The following MYOM3 variants were observed in gnomAD, a reference collection of about 807,000 sequenced individuals.
MYOM3 encodes the protein myomesin-3.
A neutral mutation model predicts 191.7 loss-of-function variants in MYOM3; 155 were observed. That is an observed-to-expected ratio of 0.81 (90% confidence interval 0.71 to 0.92). The LOEUF (loss-of-function observed/expected upper bound fraction) is 0.92. MYOM3 is among the 40% of genes least tolerant of loss of function. The pLI, the probability that MYOM3 is intolerant of heterozygous loss-of-function variation, is 0.00. For missense variants in MYOM3, 1,889 were observed against 1,890.6 expected, an observed-to-expected ratio of 1.00 and a Z score of 0.02; for synonymous variants, 757 against 762.9, an observed-to-expected ratio of 0.99 and a Z score of 0.13.
At chr1:24,110,042 C>T (rs1309884120) in intron 1 of MYOM3, among the ~76,000 whole-genome samples, 4 of 152,300 alleles carry the variant, frequency 2.6e-5, no homozygotes, top group African/African-American at 7.2e-5. Context: ...GTGGGAGGCC[C>T]GTGTGCCCGC....
intron 13 of MYOM3, 81 bp downstream of exon 13, chr1:24,089,984 G>A: frequency 7.0e-7 from 1 of 1,418,608 alleles, no homozygotes; most frequent in South Asian, 1.2e-5. Flanking sequence ...CACTGGGACA[G>A]CTTCTGCCTC....
At chr1:24,064,607 G>T (rs1002755995) in intron 29 of MYOM3, among the ~76,000 whole-genome samples, 2 of 152,200 alleles carry the variant, frequency 1.3e-5, no homozygotes, top group African/African-American at 2.4e-5. Flanking sequence ...CAGGACAAGG[G>T]GGCCCTTTTG....
Position 24,062,118 on chromosome 1 carries a change from G to A in MYOM3, c.3771-9C>T, listed in dbSNP as rs1373658440. On this transcript the variant is annotated splice_polypyrimidine_tract_variant and intron_variant, in intron 32 of 36. Transcript: ENST00000374434. ...TCTCCAGACGTTTGTCTCTGAATGT[G>A]AGGGTGGAGAAATGGTTAAGGCTGC... 6.8e-6 allele frequency: 11 copies of A among 1,613,638 alleles called. No homozygotes were observed. Among genetic ancestry groups the A allele is most frequent in the Non-Finnish European group, 7.6e-6 (9 of 1,179,850 alleles).
chr1:24,056,717 T>C lies in MYOM3; in HGVS notation c.*647A>G. On this transcript the variant is annotated 3_prime_UTR_variant, in exon 37 of 37. Coordinates refer to ENST00000374434, the MANE Select transcript of MYOM3 (RefSeq NM_152372.4). Reference sequence around the variant, plus strand: ...CTACCTCCCCCTGTTGGGACGACCCTCTGTCTCCCTCCTTGGACCACTGGC... The same window carrying C: ...CTACCTCCCCCTGTTGGGACGACCCCCTGTCTCCCTCCTTGGACCACTGGC... The C allele has an allele frequency of 6.6e-6, 1 of 152,638 alleles. No homozygotes were observed. The highest frequency in any genetic ancestry group is 1.5e-5 in the Non-Finnish European group (1 of 68,314). 9.5% of individuals were successfully genotyped at this position (152,638 alleles called of 1,614,324 possible). A position where few individuals can be genotyped will look rare whatever the true frequency, so the allele number is the denominator to read the frequency against.
intron 5 of MYOM3, among the ~76,000 whole-genome samples, chr1:24,101,060 T>C (rs1404145007): frequency 6.6e-6 from 1 of 152,112 alleles, no homozygotes; most frequent in East Asian, 1.9e-4. Context: ...CTGCTCGGTG[T>C]GGCCATATGA....
rs1454198686 is a variant in MYOM3, at chr1:24,106,022, C to T, written c.458G>A (p.Gly153Glu). ...KELRELCYGR[G>E]PWFWIPLRSH... ...GCGAAGAGGGATCCAGAACCAGGGC[C>T]CGCGGCCGTAGCACAGCTCCCTCAG... Residue 153 changes from glycine (G) to glutamate (E), a missense_variant, in exon 5 of 37, where the codon GGG becomes GAG. Coordinates refer to ENST00000374434, the MANE Select transcript of MYOM3 (RefSeq NM_152372.4). 6 of 1,613,920 alleles carry T rather than the reference C, an allele frequency of 3.7e-6. No homozygotes were observed. The highest frequency in any genetic ancestry group is 3.3e-5 in the Admixed American group (2 of 60,022).
chr1:24,072,489 T>C (rs1186194231), intron 23 of MYOM3, among the ~76,000 whole-genome samples: 1 of 152,138 alleles, frequency 6.6e-6, no homozygotes, highest in Non-Finnish European at 1.5e-5. Flanking sequence ...AGTCTCAGAC[T>C]GTTCTAGAAT....
chr1:24,064,362 C>T, intron 29 of MYOM3: 1 of 540,144 alleles, frequency 1.9e-6, no homozygotes, highest in Admixed American at 3.4e-5. Flanking sequence ...CCCTTGGATT[C>T]CTAGCTCGGG....
rs760005691 is a variant in MYOM3 at position 24,106,026 on chromosome 1, G to A, written c.454C>T (p.Arg152Cys). ...AKELRELCYG[R>C]GPWFWIPLRS... is the part of the protein sequence containing the mutation. Reference sequence around the variant, plus strand: ...AGAGGGATCCAGAACCAGGGCCCGCGGCCGTAGCACAGCTCCCTCAGCTCC... The same window carrying A: ...AGAGGGATCCAGAACCAGGGCCCGCAGCCGTAGCACAGCTCCCTCAGCTCC... The change falls in exon 5 of 37, where the codon CGC becomes TGC. Residue 152 changes from arginine to cysteine, a missense_variant. Transcript: ENST00000374434. 5.6e-6 allele frequency: 9 copies of A among 1,613,858 alleles called. No individual in the cohort carries two copies. Among genetic ancestry groups the A allele is most frequent in the South Asian group, 2.2e-5 (2 of 91,062 alleles).
chr1:24,067,584 C>T (rs1157884909), intron 27 of MYOM3, among the ~76,000 whole-genome samples: 2 of 151,734 alleles, frequency 1.3e-5, no homozygotes, highest in African/African-American at 4.9e-5. Flanking sequence ...GGCTCAGCCT[C>T]CTGAGTAGCT....
In MYOM3 at chr1:24,086,767, T is replaced by G. The variant is rs1643753466; in HGVS notation, c.1675A>C (p.Arg559=). 2 of 1,614,166 alleles carry G rather than the reference T, an allele frequency of 1.2e-6. No homozygotes were observed. Among genetic ancestry groups the G allele is most frequent in the East Asian group, 4.5e-5 (2 of 44,870 alleles). ...TTCTCCAGGTCCAGAACGGCGAATCTCGGGGATCTCACAGGGCTTTCCGAG... is the reference window on the plus strand; with the variant it reads ...TTCTCCAGGTCCAGAACGGCGAATCGCGGGGATCTCACAGGGCTTTCCGAG... ...ISSESPVRSP[R]FAVLDLEKKK... is the part of the protein sequence containing the mutation. Residue 559 remains arginine, a synonymous_variant, in exon 15 of 37, where the codon AGA becomes CGA. Coordinates refer to ENST00000374434, the MANE Select transcript of MYOM3 (RefSeq NM_152372.4).
chr1:24,090,594 C>T (rs373628652), intron 12 of MYOM3, among the ~76,000 whole-genome samples: 18 of 152,136 alleles, frequency 1.2e-4, no homozygotes, highest in Non-Finnish European at 2.2e-4. Flanking sequence ...TCCTAAGGAC[C>T]GGATTGTGTC....
intron 36 of MYOM3, 80 bp from the exon 37 acceptor site, chr1:24,057,707 C>T (rs1643320227): frequency 1.4e-5 from 19 of 1,317,768 alleles, no homozygotes; most frequent in Non-Finnish European, 2.0e-5. Flanking sequence ...CCCCAGAGAG[C>T]TCCCAGCTCA....
At chr1:24,077,295 A>G (rs1643614069) in intron 20 of MYOM3, among the ~76,000 whole-genome samples, 1 of 152,086 alleles carries the variant, frequency 6.6e-6, no homozygotes, top group African/African-American at 2.4e-5. Context: ...TGATGTGTAC[A>G]TCTTTTAGTG....
chr1:24,058,166 G>C (rs902277218), intron 36 of MYOM3, among the ~76,000 whole-genome samples: 1 of 152,074 alleles, frequency 6.6e-6, no homozygotes, highest in African/African-American at 2.4e-5. Flanking sequence ...AATTACTCTC[G>C]CAATTATCGG....
In MYOM3 at chr1:24,061,980, T is replaced by C. The variant is rs1221259714; in HGVS notation, c.3900A>G (p.Glu1300=). 16 of 1,614,214 alleles carry C rather than the reference T, an allele frequency of 9.9e-6. No homozygotes were observed. Among genetic ancestry groups the C allele is most frequent in the Middle Eastern group, 3.3e-4 (2 of 6,062 alleles). The change falls in exon 33 of 37, where the codon GAA becomes GAG. Residue 1300 remains glutamate (E), a synonymous_variant. Transcript: ENST00000374434. The part of the protein sequence containing the change: ...KYTLEIAAGK[E]VRQLSTDLSG... ...AGAGATCTGTTGAGAGCTGCCGGACTTCCTTCCCTGCAGCTATTTCCAGAG... is the reference window on the plus strand; with the variant it reads ...AGAGATCTGTTGAGAGCTGCCGGACCTCCTTCCCTGCAGCTATTTCCAGAG...
At position 24,091,478 on chromosome 1, in the gene MYOM3, G is replaced by A. The variant is rs10159462; in HGVS notation, c.1233-482C>T. Among the ~76,000 whole-genome samples, 279 of 152,312 alleles carry A rather than the reference G, an allele frequency of 1.8e-3. 2 individuals carry two copies. The highest frequency in any genetic ancestry group is 6.8e-3 in the Middle Eastern group (2 of 294). On this transcript the variant is annotated intron_variant, in intron 11 of 36. Coordinates refer to ENST00000374434, the MANE Select transcript of MYOM3 (RefSeq NM_152372.4). The stretch of plus-strand genomic sequence containing the variant: ...TTGGTACCATTGTTCCAGGCAGTAC[G>A]ACAGTGCACGTTACCCTTATTGTTA...
intron 18 of MYOM3, chr1:24,081,662 A>C (rs1236469515): frequency 3.2e-6 from 2 of 623,740 alleles, no homozygotes; most frequent in Admixed American, 6.0e-5. Context: ...TTCTGGGCTC[A>C]TGCAGTCCTC....
chr1:24,107,254 G>A, intron 3 of MYOM3, 22 bp from the exon 4 acceptor site: 1 of 1,579,848 alleles, frequency 6.3e-7, no homozygotes. Context: ...GAGGCCATCG[G>A]GGCTCAGGCA....
Sources: allele counts gnomAD v4.1 joint callset (sites outside exome capture counted in the v4.1 genomes callset), GRCh38; gene constraint gnomAD v4.1.1; transcripts MANE v1.5; gene names NCBI Gene and HGNC (gene_info 2026-07-23, HGNC 2026-07-21).